Variants in RAB11FIP1 observed in about 807,000 individuals in gnomAD.
The protein encoded by RAB11FIP1 is RAB11 family interacting protein 1.
RAB11FIP1 carries 49 observed loss-of-function variants against 83.1 expected under a neutral mutation model. The ratio of observed to expected loss-of-function variants is 0.59; its 90% CI spans 0.47 to 0.75. The LOEUF (loss-of-function observed/expected upper bound fraction) is 0.75. RAB11FIP1 is among the 30% of genes least tolerant of loss of function. The pLI is 0.00. For synonymous variants in RAB11FIP1, 670 were observed against 656.0 expected (o/e 1.02, Z -0.33); for missense variants, 1,536 against 1,598.7 (o/e 0.96, Z 0.67).
intron 5 of RAB11FIP1, among the ~76,000 whole-genome samples, chr8:37,869,143 G>T (rs1243004657): frequency 6.7e-6 from 1 of 149,912 alleles, no homozygotes; most frequent in African/African-American, 2.5e-5. Context: ...TGAGAGGATT[G>T]ATTGGGCCCA....
chr8:37,872,956 G>T lies in RAB11FIP1; in HGVS notation c.1846C>A (p.Pro616Thr), dbSNP rs145528952. 6.2e-7 allele frequency: 1 copy of T among 1,614,050 alleles called. No homozygotes were observed. Among genetic ancestry groups the T allele is most frequent in the Admixed American group, 1.7e-5 (1 of 60,004 alleles). ...TTGGCCTGGCCCCTGTCTACGAGAGGCCAGCTTTCAATTGGAGTGGATGTG... is the reference window on the plus strand; with the variant it reads ...TTGGCCTGGCCCCTGTCTACGAGAGTCCAGCTTTCAATTGGAGTGGATGTG... Reference protein sequence around the residue: ...ISTSTPIESWPLVDRGQAKSE... With the variant: ...ISTSTPIESWTLVDRGQAKSE... Residue 616 changes from proline to threonine, a missense_variant, in exon 4 of 6, where the codon CCT (proline) becomes ACT (threonine). Transcript: ENST00000330843.
intron 1 of RAB11FIP1, among the ~76,000 whole-genome samples, chr8:37,890,149 C>T (rs1417892969): frequency 6.6e-6 from 1 of 152,186 alleles, no homozygotes; most frequent in African/African-American, 2.4e-5. Context: ...TTTTGGTGAA[C>T]CACATGTCAC....
intron 1 of RAB11FIP1, among the ~76,000 whole-genome samples, chr8:37,897,835 C>G (rs1385317007): frequency 1.3e-5 from 2 of 152,160 alleles, no homozygotes; most frequent in East Asian, 3.9e-4. Context: ...TTCTCTTCAC[C>G]AACCCCCTAG....
chr8:37,870,501 T>G lies in RAB11FIP1; in HGVS notation c.3552A>C (p.Ala1184=), dbSNP rs7820872. 1,167,025 of 1,592,478 alleles carry G rather than the reference T, an allele frequency of 0.73. 430,838 individuals are homozygous for G. Among genetic ancestry groups the G allele is most frequent in the East Asian group, 0.98 (43,904 of 44,734 alleles). Reference sequence around the variant, plus strand: ...TGCAGTTAGCAACCTTGGTGGCCATTGCATTCATTGGCTTCACAGGATGAA... The same window carrying G: ...TGCAGTTAGCAACCTTGGTGGCCATGGCATTCATTGGCTTCACAGGATGAA... ...HRLHPVKPMN[A]MATKVANCSL... is the part of the protein sequence containing the mutation. Residue 1184 remains alanine (A), a synonymous_variant, in exon 5 of 6, where the codon GCA becomes GCC. Transcript: ENST00000330843.
intron 1 of RAB11FIP1, among the ~76,000 whole-genome samples, chr8:37,882,202 C>G (rs1048333454): frequency 6.6e-6 from 1 of 152,214 alleles, no homozygotes; most frequent in African/African-American, 2.4e-5. Context: ...TCCAAAGCAG[C>G]TGTCAGAGGC....
chr8:37,866,273 T>C (rs991866530), intron 5 of RAB11FIP1, among the ~76,000 whole-genome samples: 2 of 151,580 alleles, frequency 1.3e-5, no homozygotes, highest in Admixed American at 1.3e-4. Context: ...AGGCGGAGGT[T>C]GCAGTGAGCC....
In RAB11FIP1 at chr8:37,859,818, CCAGCTCT is replaced by C. The variant is rs1234527754; in HGVS notation, c.*3070_*3076del. On this transcript the variant is annotated 3_prime_UTR_variant, in exon 6 of 6. Coordinates refer to ENST00000330843, the MANE Select transcript of RAB11FIP1 (RefSeq NM_001002814.3). ...CATCTGCAGCAGCTGGAAGGAGGTC[CCAGCTCT>C]TCTGAGACATAGGCCATTTGTAGGA... 1 of 152,188 alleles carries C rather than the reference CCAGCTCT, an allele frequency of 6.6e-6. No homozygotes were observed. The highest frequency in any genetic ancestry group is 2.4e-5 in the African/African-American group (1 of 41,418). The allele number at this position is 152,188 out of a possible 1,614,324, so 9.4% of individuals were successfully genotyped here. A position where few individuals can be genotyped will look rare whatever the true frequency, so the allele number is the denominator to read the frequency against.
At position 37,861,692 on chromosome 8, in the gene RAB11FIP1, A is replaced by G; in HGVS notation, c.*1203T>C. On this transcript the variant is annotated 3_prime_UTR_variant, in exon 6 of 6. Coordinates refer to ENST00000330843, the MANE Select transcript of RAB11FIP1 (RefSeq NM_001002814.3). ...CAGCCTCCATCTCCCAAGTTCAAGC[A>G]ATTCTCCTGCCCCAGCCTCCCGAGT... 5.1e-6 allele frequency: 2 copies of G among 395,156 alleles called. No individual in the cohort carries two copies. The highest frequency in any genetic ancestry group is 3.5e-5 in the Admixed American group (1 of 28,384). The allele number at this position is 395,156 out of a possible 1,614,324, so 24.5% of individuals were successfully genotyped here.
intron 1 of RAB11FIP1, among the ~76,000 whole-genome samples, chr8:37,893,080 T>C (rs1277069186): frequency 6.6e-6 from 1 of 150,634 alleles, no homozygotes; most frequent in East Asian, 1.9e-4. Context: ...TTTTTTCTTT[T>C]TTTTTTTTTT....
rs1334635593 is a variant in RAB11FIP1, at chr8:37,874,774, G to A, written c.1363C>T (p.Pro455Ser). The A allele has an allele frequency of 1.2e-6, 2 of 1,614,036 alleles. No homozygotes were observed. The highest frequency in any genetic ancestry group is 2.7e-5 in the African/African-American group (2 of 74,892). ...TTCTCCCTCCCTGGGACCGTGAGAG[G>A]GTTTTCACCTTCACTGCCCTTAGCC... Reference protein sequence around the residue: ...DVAKGSEGENPLTVPGREKEG... With the variant: ...DVAKGSEGENSLTVPGREKEG... The change falls in exon 3 of 6, where the codon CCT becomes TCT. Residue 455 changes from proline (P) to serine (S), a missense_variant. Physicochemically the swap from Pro to Ser is moderately conservative, Grantham distance 74. Coordinates refer to ENST00000330843, the MANE Select transcript of RAB11FIP1 (RefSeq NM_001002814.3).
At chr8:37,890,666 G>A (rs1459513952) in intron 1 of RAB11FIP1, among the ~76,000 whole-genome samples, 1 of 152,002 alleles carries the variant, frequency 6.6e-6, no homozygotes, top group Non-Finnish European at 1.5e-5. Context: ...AGGGTACTCA[G>A]GAGGCTGAGG....
chr8:37,873,058 G>A lies in RAB11FIP1; in HGVS notation c.1744C>T (p.His582Tyr). The A allele has an allele frequency of 6.2e-7, 1 of 1,614,142 alleles. No individual in the cohort carries two copies. The highest frequency in any genetic ancestry group is 8.5e-7 in the Non-Finnish European group (1 of 1,180,034). Residue 582 changes from histidine (H) to tyrosine (Y), a missense_variant, in exon 4 of 6, where the codon CAT becomes TAT. By Grantham distance (83) the His-to-Tyr change is moderately conservative. Coordinates refer to ENST00000330843, the MANE Select transcript of RAB11FIP1 (RefSeq NM_001002814.3). ...GQASVPSELG[H>Y]GADTQSSESP... ...TCAGAGGACTGTGTGTCTGCACCAT[G>A]TCCCAATTCAGAGGGGACAGATGCC...
At chr8:37,894,739 T>TAC (rs1554533315) in intron 1 of RAB11FIP1, among the ~76,000 whole-genome samples, 41 of 147,218 alleles carry the variant, frequency 2.8e-4, no homozygotes, top group African/African-American at 6.0e-4. Flanking sequence ...TATATATATA[T>TAC]ACACACACAC....
intron 2 of RAB11FIP1, among the ~76,000 whole-genome samples, chr8:37,876,024 A>G (rs1806598462): frequency 1.3e-5 from 2 of 152,146 alleles, no homozygotes; most frequent in African/African-American, 4.8e-5. Flanking sequence ...GTGAAACCCC[A>G]ACTCTACTAA....
At position 37,868,975 on chromosome 8, in the gene RAB11FIP1, C is replaced by T. The variant is rs140529029; in HGVS notation, c.3633+1445G>A. Among the ~76,000 whole-genome samples, 17 of 152,262 alleles carry T rather than the reference C, an allele frequency of 1.1e-4. No homozygotes were observed. In the East Asian group the frequency reaches 3.3e-3, roughly 29 times the overall value. On this transcript the variant is annotated intron_variant, in intron 5 of 5. Coordinates refer to ENST00000330843, the MANE Select transcript of RAB11FIP1 (RefSeq NM_001002814.3). Reference sequence around the variant, plus strand: ...TGTGCATCTTGCCTCACACCTGTATCCCAGCACTTTGGGAGCCCAAAGCAG... The same window carrying T: ...TGTGCATCTTGCCTCACACCTGTATTCCAGCACTTTGGGAGCCCAAAGCAG...
intron 2 of RAB11FIP1, among the ~76,000 whole-genome samples, chr8:37,876,087 C>T (rs1035959165): frequency 3.3e-5 from 5 of 151,840 alleles, no homozygotes; most frequent in Non-Finnish European, 7.4e-5. Flanking sequence ...CCCAGCTATT[C>T]GGGAGACTGA....
chr8:37,892,462 T>C (rs956661571), intron 1 of RAB11FIP1, among the ~76,000 whole-genome samples: 6 of 149,012 alleles, frequency 4.0e-5, no homozygotes, highest in Admixed American at 2.6e-4. Context: ...TTTATTTATT[T>C]ATTTATTTTG....
Position 37,872,505 on chromosome 8 carries a change from T to C in RAB11FIP1, c.2297A>G (p.Asp766Gly). Reference protein sequence around the residue: ...AGSLVESKARDAAEEVAPPLP... With the variant: ...AGSLVESKARGAAEEVAPPLP... ...AGGGGGCGCCACTTCTTCAGCTGCA[T>C]CCCTGGCTTTGCTCTCCACAAGAGA... Residue 766 changes from aspartate (D) to glycine (G), a missense_variant, in exon 4 of 6, where the codon GAT (aspartate) becomes GGT (glycine). By Grantham distance (94) the Asp-to-Gly change is moderately conservative. Transcript: ENST00000330843. The C allele has an allele frequency of 6.2e-7, 1 of 1,614,162 alleles. No individual in the cohort carries two copies. Among genetic ancestry groups the C allele is most frequent in the Non-Finnish European group, 8.5e-7 (1 of 1,180,022 alleles).
chr8:37,867,176 A>G (rs1417075263), intron 5 of RAB11FIP1, among the ~76,000 whole-genome samples: 2 of 152,098 alleles, frequency 1.3e-5, no homozygotes, highest in Admixed American at 6.6e-5. Flanking sequence ...AATGACCCCA[A>G]TTTTCATTGC....
Sources: allele counts gnomAD v4.1 joint callset (sites outside exome capture counted in the v4.1 genomes callset), GRCh38; gene constraint gnomAD v4.1.1; transcripts MANE v1.5; gene names NCBI Gene and HGNC (gene_info 2026-07-23, HGNC 2026-07-21).